Variants in TACC2 observed in about 807,000 individuals in gnomAD.
TACC2 encodes transforming acidic coiled-coil-containing protein 2.
TACC2 carries 137 observed loss-of-function variants against 227.3 expected under a neutral mutation model. The observed-to-expected ratio is 0.60, with a 90% CI of 0.52 to 0.69. TACC2 has a LOEUF of 0.69. Ranked by LOEUF, TACC2 falls within the 30% of genes least tolerant of loss-of-function variation. The pLI is 0.00. For missense variants in TACC2, 3,470 were observed against 3,694.4 expected, an observed-to-expected ratio of 0.94 and a Z score of 1.57; for synonymous variants, 1,523 against 1,487.5, an observed-to-expected ratio of 1.02 and a Z score of -0.55.
At chr10:122,196,019 T>C (rs958334344) in intron 8 of TACC2, among the ~76,000 whole-genome samples, 1 of 152,168 alleles carries the variant, frequency 6.6e-6, no homozygotes, top group Non-Finnish European at 1.5e-5. Context: ...GACCACACGC[T>C]GGATACCTGG....
intron 5 of TACC2, among the ~76,000 whole-genome samples, chr10:122,126,428 C>T (rs1306868979): frequency 6.6e-6 from 1 of 151,608 alleles, no homozygotes; most frequent in Non-Finnish European, 1.5e-5. Flanking sequence ...ACTCCCCCAG[C>T]TGGGAAGTAG....
chr10:122,030,439 C>T (rs1209750327), intron 2 of TACC2, among the ~76,000 whole-genome samples: 1 of 152,134 alleles, frequency 6.6e-6, no homozygotes, highest in Non-Finnish European at 1.5e-5. Context: ...CTCACCAGGG[C>T]ATGAAAGCCT....
At chr10:122,146,023 C>T (rs748942413) in intron 7 of TACC2, among the ~76,000 whole-genome samples, 33 of 152,186 alleles carry the variant, frequency 2.2e-4, no homozygotes, top group East Asian at 1.9e-4. Flanking sequence ...AGACAGGCAC[C>T]GTCCTGCCCT....
intron 1 of TACC2, among the ~76,000 whole-genome samples, chr10:122,021,514 G>A (rs1034259929): frequency 3.9e-5 from 6 of 152,162 alleles, no homozygotes; most frequent in Non-Finnish European, 8.8e-5. Flanking sequence ...GAGCTCTGCC[G>A]TCACCAACAG....
At chr10:122,233,883 T>A (rs1297757003) in intron 16 of TACC2, among the ~76,000 whole-genome samples, 1 of 152,172 alleles carries the variant, frequency 6.6e-6, no homozygotes, top group East Asian at 1.9e-4. Context: ...TCACCGCTCC[T>A]GCTGGGCTTG....
chr10:122,128,843 T>C (rs909469685), intron 5 of TACC2, among the ~76,000 whole-genome samples: 2 of 152,122 alleles, frequency 1.3e-5, no homozygotes, highest in South Asian at 4.2e-4. Flanking sequence ...CTTGTCCAAA[T>C]TGCTTCATTG....
intron 4 of TACC2, 77 bp from the exon 5 acceptor site, chr10:122,088,401 G>C: frequency 7.5e-7 from 1 of 1,324,790 alleles, no homozygotes; most frequent in Non-Finnish European, 1.0e-6. Context: ...TGAGAAATCT[G>C]CTTTTTCAAT....
intron 12 of TACC2, 36 bp from the exon 13 acceptor site, chr10:122,226,330 T>C (rs752040601): frequency 6.7e-7 from 1 of 1,493,350 alleles, no homozygotes; most frequent in Non-Finnish European, 9.3e-7. Context: ...TCAGGCCAAC[T>C]GTACCCAAGC....
At chr10:122,118,609 T>A (rs2085166809) in intron 5 of TACC2, among the ~76,000 whole-genome samples, 2 of 152,252 alleles carry the variant, frequency 1.3e-5, no homozygotes, top group Non-Finnish European at 2.9e-5. Flanking sequence ...CTGGTTGCAT[T>A]GCAGGGAGAG....
At chr10:122,176,835 C>T (rs1454002364) in intron 7 of TACC2, among the ~76,000 whole-genome samples, 5 of 152,122 alleles carry the variant, frequency 3.3e-5, no homozygotes, top group Non-Finnish European at 5.9e-5. Context: ...GGGAGTCCCA[C>T]AAAATATGAG....
chr10:122,236,295 G>C (rs1345369466), intron 16 of TACC2, among the ~76,000 whole-genome samples: 2 of 151,994 alleles, frequency 1.3e-5, no homozygotes, highest in Admixed American at 6.6e-5. Context: ...ACTACACTGT[G>C]GTAGCCTTCC....
At chr10:122,204,364 G>A (rs189771528) in intron 8 of TACC2, among the ~76,000 whole-genome samples, 11 of 152,332 alleles carry the variant, frequency 7.2e-5, no homozygotes, top group African/African-American at 2.6e-4. Flanking sequence ...GAGCAGTTAA[G>A]TCAGTAACCG....
At chr10:122,176,092 T>TCC in intron 7 of TACC2, among the ~76,000 whole-genome samples, 1 of 84,262 alleles carries the variant, frequency 1.2e-5, no homozygotes, top group South Asian at 3.9e-4. Flanking sequence ...TCTCTCTCTC[T>TCC]CTCTCTCTCT....
intron 1 of TACC2, among the ~76,000 whole-genome samples, chr10:121,989,986 G>A (rs1412313744): frequency 6.6e-6 from 1 of 152,004 alleles, no homozygotes; most frequent in Non-Finnish European, 1.5e-5. Flanking sequence ...TGTCATGTCT[G>A]CATCTCCCGT....
intron 12 of TACC2, among the ~76,000 whole-genome samples, chr10:122,225,601 A>G (rs565957983): frequency 1.3e-5 from 2 of 152,336 alleles, no homozygotes; most frequent in African/African-American, 2.4e-5. Flanking sequence ...GGCCATATAC[A>G]TAATACTGAG....
chr10:122,096,409 C>G (rs1488194763), intron 5 of TACC2, among the ~76,000 whole-genome samples: 1 of 152,188 alleles, frequency 6.6e-6, no homozygotes, highest in Non-Finnish European at 1.5e-5. Context: ...AAGAGTGCCC[C>G]TTACCGGCCA....
intron 5 of TACC2, among the ~76,000 whole-genome samples, chr10:122,119,588 A>T (rs1212755223): frequency 6.7e-6 from 1 of 149,734 alleles, no homozygotes; most frequent in Admixed American, 6.6e-5. Context: ...AGCTTCTCCC[A>T]GCATCTGGCT....
intron 6 of TACC2, among the ~76,000 whole-genome samples, chr10:122,142,597 G>A (rs1044027942): frequency 3.9e-5 from 6 of 152,210 alleles, no homozygotes; most frequent in African/African-American, 1.4e-4. Context: ...CTGGACTCCT[G>A]CAATCTGGGA....
At chr10:122,172,268 C>A (rs1247878908) in intron 7 of TACC2, among the ~76,000 whole-genome samples, 1 of 152,180 alleles carries the variant, frequency 6.6e-6, no homozygotes, top group East Asian at 1.9e-4. Flanking sequence ...TTAGAAAATA[C>A]CTGGGCTGCT....
Sources: allele counts gnomAD v4.1 joint callset (sites outside exome capture counted in the v4.1 genomes callset), GRCh38; gene constraint gnomAD v4.1.1; transcripts MANE v1.5; gene names NCBI Gene and HGNC (gene_info 2026-07-23, HGNC 2026-07-21).